The following ZNF322 variants were observed in gnomAD, a reference collection of about 807,000 sequenced individuals.
ZNF322 encodes the protein zinc finger protein 322.
ZNF322 carries 1 observed loss-of-function variant against 18.3 expected under a neutral mutation model. That is an observed-to-expected ratio of 0.05 (90% CI 0.02 to 0.26). ZNF322 has a LOEUF of 0.26. ZNF322 is among the 10% of genes least tolerant of loss of function. The pLI is 1.00. For missense variants in ZNF322, 36 were observed against 403.6 expected, an observed-to-expected ratio of 0.09 and a Z score of 7.80; for synonymous variants, 17 against 130.7, an observed-to-expected ratio of 0.13 and a Z score of 5.93.
At chr6:26,657,605 G>A (rs1554149832) in intron 2 of ZNF322, among the ~76,000 whole-genome samples, 3 of 152,032 alleles carry the variant, frequency 2.0e-5, no homozygotes, top group Admixed American at 2.0e-4. Context: ...TTATTCGTTT[G>A]TCTTTTTACT....
chr6:26,653,261 A>C (rs1765705899), intron 2 of ZNF322, among the ~76,000 whole-genome samples: 1 of 152,216 alleles, frequency 6.6e-6, no homozygotes, highest in Non-Finnish European at 1.5e-5. Flanking sequence ...ACAAACTCAT[A>C]CGTTGCTGGA....
chr6:26,641,398 A>G (rs2504540), intron 3 of ZNF322, among the ~76,000 whole-genome samples: 68,818 of 151,608 alleles, frequency 0.45, 15,930 homozygotes, highest in East Asian at 0.67. Flanking sequence ...TGCAAGGCTA[A>G]CAAGAATAGG....
intron 1 of ZNF322, chr6:26,658,988 C>T (rs1765831487): frequency 6.6e-6 from 1 of 152,070 alleles, no homozygotes. Flanking sequence ...GATCAAAGAC[C>T]CATTCGTCTA....
At chr6:26,646,118 A>G (rs1451665153) in intron 2 of ZNF322, among the ~76,000 whole-genome samples, 1 of 152,058 alleles carries the variant, frequency 6.6e-6, no homozygotes, top group Non-Finnish European at 1.5e-5. Flanking sequence ...TCAAACATTC[A>G]AAACAGAAAG....
Position 26,638,240 on chromosome 6 carries a change from T to C in ZNF322, c.314A>G (p.Glu105Gly). 1 of 1,613,830 alleles carries C rather than the reference T, an allele frequency of 6.2e-7. No homozygotes were observed. Among genetic ancestry groups the C allele is most frequent in the East Asian group, 2.2e-5 (1 of 44,872 alleles). Reference sequence around the variant, plus strand: ...CGCTAAGTGATGCCAAAAGCTCTTCTCACATTTGCTACATTTATAAGGTTT... The same window carrying C: ...CGCTAAGTGATGCCAAAAGCTCTTCCCACATTTGCTACATTTATAAGGTTT... The part of the protein sequence containing the change: ...YEKPYKCSKC[E>G]KSFWHHLALS... The change falls in exon 4 of 4, where the codon GAG (glutamate) becomes GGG (glycine). Residue 105 changes from glutamate (E) to glycine (G), a missense_variant. Glu to Gly is a moderately conservative substitution (Grantham distance 98). Transcript: ENST00000415922.
At chr6:26,657,927 T>C (rs1390022585) in intron 2 of ZNF322, among the ~76,000 whole-genome samples, 3 of 151,972 alleles carry the variant, frequency 2.0e-5, no homozygotes, top group African/African-American at 7.2e-5. Context: ...AGGAATAAAC[T>C]GGAACACGAC....
chr6:26,648,800 G>A (rs573776461), intron 2 of ZNF322, among the ~76,000 whole-genome samples: 4 of 152,178 alleles, frequency 2.6e-5, no homozygotes, highest in Non-Finnish European at 4.4e-5. Context: ...CGAATAAATG[G>A]AAGGACAGCC....
intron 2 of ZNF322, among the ~76,000 whole-genome samples, chr6:26,649,180 A>G (rs1370429803): frequency 3.3e-5 from 5 of 152,244 alleles, no homozygotes; most frequent in African/African-American, 1.2e-4. Flanking sequence ...TGAAGCAATG[A>G]AAAGACAGAC....
intron 2 of ZNF322, chr6:26,650,469 A>C (rs2113670894): frequency 6.6e-6 from 1 of 152,322 alleles, no homozygotes; most frequent in South Asian, 2.1e-4. Flanking sequence ...AAGGAAATAA[A>C]AGGTATAGAG....
intron 2 of ZNF322, among the ~76,000 whole-genome samples, chr6:26,646,646 A>C (rs541300199): frequency 6.6e-6 from 1 of 152,320 alleles, no homozygotes; most frequent in East Asian, 1.9e-4. Flanking sequence ...ATGATGCAGA[A>C]GGCCTAAATA....
At chr6:26,639,264 G>A (rs868992127) in intron 3 of ZNF322, among the ~76,000 whole-genome samples, 3 of 152,154 alleles carry the variant, frequency 2.0e-5, no homozygotes, top group African/African-American at 7.2e-5. Context: ...ACCTTACACG[G>A]TTCTGTGGAA....
rs1185706776 is a variant in ZNF322 at position 26,636,880 on chromosome 6, T to G, written c.*465A>C. ...GTAAGTCAGAGTTTTGTTAGAAGCTTTTTTCACACTTGCTGGGGCTTCTCC... is the reference window on the plus strand; with the variant it reads ...GTAAGTCAGAGTTTTGTTAGAAGCTGTTTTCACACTTGCTGGGGCTTCTCC... On this transcript the variant is annotated 3_prime_UTR_variant, in exon 4 of 4. Coordinates refer to ENST00000415922, the MANE Select transcript of ZNF322 (RefSeq NM_024639.5). 1.8e-5 allele frequency: 2 copies of G among 112,760 alleles called. No individual in the cohort carries two copies. The highest frequency in any genetic ancestry group is 8.0e-5 in the African/African-American group (2 of 24,876). The allele number at this position is 112,760 out of a possible 1,614,324, so 7.0% of individuals were successfully genotyped here.
rs572943772 is a variant in ZNF322 at position 26,649,892 on chromosome 6, G to A, written c.-245-6164C>T. Among the ~76,000 whole-genome samples, 31 of 150,658 alleles carry A rather than the reference G, an allele frequency of 2.1e-4. No homozygotes were observed. In the East Asian group the frequency reaches 2.7e-3, roughly 13 times the overall value. ...CTAATTCTGTATTTTTAGTAGAGAC[G>A]GGGTCTCTCCATGTTGGTCAGGTTG... is the stretch of plus-strand genomic sequence containing the variant. On this transcript the variant is annotated intron_variant, in intron 2 of 3. Coordinates refer to ENST00000415922, the MANE Select transcript of ZNF322 (RefSeq NM_024639.5).
At chr6:26,648,730 CAT>C (rs1765598757) in intron 2 of ZNF322, among the ~76,000 whole-genome samples, 1 of 152,166 alleles carries the variant, frequency 6.6e-6, no homozygotes, top group Admixed American at 6.5e-5. Flanking sequence ...ATAAATAAAA[CAT>C]AGCCATGCCA....
chr6:26,658,242 C>T (rs1554149878), intron 2 of ZNF322, among the ~76,000 whole-genome samples: 1 of 152,042 alleles, frequency 6.6e-6, no homozygotes, highest in Non-Finnish European at 1.5e-5. Context: ...GCAGCAGAGC[C>T]AGGATTTCAA....
intron 2 of ZNF322, among the ~76,000 whole-genome samples, chr6:26,649,663 GTGTGTGTGTGTGTA>G (rs1473863326): frequency 2.2e-5 from 1 of 44,974 alleles, no homozygotes; most frequent in Non-Finnish European, 4.4e-5. Context: ...GTGTGTGTGT[GTGTGTGTGTGTGTA>G]TATATATATA....
At chr6:26,645,128 G>GAAA (rs11430350) in intron 2 of ZNF322, among the ~76,000 whole-genome samples, 2 of 146,872 alleles carry the variant, frequency 1.4e-5, no homozygotes, top group Non-Finnish European at 1.5e-5. Context: ...ACTTAAATAT[G>GAAA]AAAAAAAAAA....
chr6:26,642,411 CTT>C (rs1361978704), intron 3 of ZNF322, among the ~76,000 whole-genome samples: 6 of 152,286 alleles, frequency 3.9e-5, no homozygotes, highest in African/African-American at 9.6e-5. Flanking sequence ...CTTTGTCTCT[CTT>C]TGTCTTCTTT....
At chr6:26,658,402 T>C (rs1222300699) in intron 2 of ZNF322, among the ~76,000 whole-genome samples, 156 bp downstream of exon 2, 6 of 151,564 alleles carry the variant, frequency 4.0e-5, no homozygotes, top group African/African-American at 1.4e-4. Flanking sequence ...GTTGGTAGGA[T>C]AGGGCTCAGT....
Sources: allele counts gnomAD v4.1 joint callset (sites outside exome capture counted in the v4.1 genomes callset), GRCh38; gene constraint gnomAD v4.1.1; transcripts MANE v1.5; gene names NCBI Gene and HGNC (gene_info 2026-07-23, HGNC 2026-07-21).